AGBL1: variants seen among roughly 807,000 people sequenced by gnomAD.
The protein encoded by AGBL1 is cytosolic carboxypeptidase 4.
In AGBL1, 130 loss-of-function variants were observed where a neutral mutation model predicts 118.9. That is an observed-to-expected ratio of 1.09 (90% CI 0.95 to 1.26). The LOEUF (loss-of-function observed/expected upper bound fraction) is 1.26. Among genes scored for constraint, AGBL1 ranks in the 50% most tolerant of loss-of-function variants. AGBL1 has a pLI of 0.00. For missense variants in AGBL1, 1,584 were observed against 1,298.1 expected (o/e 1.22, Z -3.38); for synonymous variants, 555 against 478.9 (o/e 1.16, Z -2.08).
chr15:86,854,692 A>G (rs533974317), intron 22 of AGBL1, among the ~76,000 whole-genome samples: 1 of 152,278 alleles, frequency 6.6e-6, no homozygotes, highest in African/African-American at 2.4e-5. Context: ...AGCAAAGGCC[A>G]TTGATAAATG....
chr15:86,691,876 TA>T (rs2086178341), intron 22 of AGBL1, among the ~76,000 whole-genome samples: 1 of 152,134 alleles, frequency 6.6e-6, no homozygotes, highest in Non-Finnish European at 1.5e-5. Flanking sequence ...GGACTGGATT[TA>T]TTTTTTTAGG....
intron 22 of AGBL1, among the ~76,000 whole-genome samples, chr15:86,742,897 A>G (rs1271405328): frequency 1.3e-5 from 2 of 152,194 alleles, no homozygotes; most frequent in Non-Finnish European, 2.9e-5. Context: ...AATAATGAGA[A>G]AACCAAACTG....
intron 7 of AGBL1, among the ~76,000 whole-genome samples, chr15:86,254,587 G>C (rs1025444696): frequency 6.6e-6 from 1 of 152,200 alleles, no homozygotes; most frequent in African/African-American, 2.4e-5. Context: ...CCAAGTAGCA[G>C]ATGTGTTATT....
At chr15:86,997,892 CACACACACACA>C (rs766683617) in intron 24 of AGBL1, among the ~76,000 whole-genome samples, 5,108 of 28,552 alleles carry the variant, frequency 0.18, 124 homozygotes, top group Non-Finnish European at 0.46. Flanking sequence ...ATGTGGAAGA[CACACACACACA>C]CACACACACA....
intron 17 of AGBL1, among the ~76,000 whole-genome samples, chr15:86,367,584 T>A (rs2080908652): frequency 6.6e-6 from 1 of 151,536 alleles, no homozygotes; most frequent in Non-Finnish European, 1.5e-5. Flanking sequence ...AGGGAAGCAA[T>A]TGTTAACTGA....
At chr15:86,352,424 A>G (rs1196666846) in intron 17 of AGBL1, among the ~76,000 whole-genome samples, 1 of 151,538 alleles carries the variant, frequency 6.6e-6, no homozygotes, top group Admixed American at 6.6e-5. Context: ...TTGTGAATCA[A>G]CTGGTAATAC....
intron 18 of AGBL1, among the ~76,000 whole-genome samples, chr15:86,491,328 G>A (rs1194823244): frequency 6.6e-6 from 1 of 152,116 alleles, no homozygotes; most frequent in Non-Finnish European, 1.5e-5. Flanking sequence ...TGGTCATAAA[G>A]AGAAAAGCAT....
chr15:86,592,419 A>G (rs1165295498), intron 21 of AGBL1, among the ~76,000 whole-genome samples: 1 of 152,240 alleles, frequency 6.6e-6, no homozygotes, highest in Non-Finnish European at 1.5e-5. Flanking sequence ...AAGGCCAAGC[A>G]AGAGACTTGA....
At chr15:86,102,592 A>T (rs753265523) in intron 1 of AGBL1, among the ~76,000 whole-genome samples, 11 of 152,180 alleles carry the variant, frequency 7.2e-5, no homozygotes, top group Non-Finnish European at 1.6e-4. Flanking sequence ...CCCCACCAGC[A>T]CTTTTAATAT....
At chr15:86,281,261 A>G (rs1342264369) in intron 16 of AGBL1, among the ~76,000 whole-genome samples, 1 of 152,066 alleles carries the variant, frequency 6.6e-6, no homozygotes, top group Admixed American at 6.6e-5. Flanking sequence ...GCATGCACCC[A>G]TAGACCCAGC....
chr15:86,672,577 G>A (rs555543003), intron 21 of AGBL1, among the ~76,000 whole-genome samples: 4 of 152,258 alleles, frequency 2.6e-5, no homozygotes, highest in Middle Eastern at 3.4e-3. Context: ...TGAGGTGGCT[G>A]ACTGAGCAGG....
chr15:86,285,431 G>C (rs747577650), intron 16 of AGBL1, among the ~76,000 whole-genome samples: 2 of 152,068 alleles, frequency 1.3e-5, no homozygotes, highest in African/African-American at 4.8e-5. Flanking sequence ...AGTCACGGGG[G>C]CAGGTCTTTC....
intron 15 of AGBL1, among the ~76,000 whole-genome samples, chr15:86,278,645 A>G (rs375783591): frequency 1.3e-5 from 2 of 152,186 alleles, no homozygotes; most frequent in South Asian, 2.1e-4. Flanking sequence ...CCTTTCCCCC[A>G]GTAAAACCAA....
chr15:86,746,428 C>T (rs2077757890), intron 22 of AGBL1, among the ~76,000 whole-genome samples: 1 of 152,156 alleles, frequency 6.6e-6, no homozygotes, highest in South Asian at 2.1e-4. Flanking sequence ...TCACTTCACT[C>T]AGTAAGTTTA....
At chr15:86,242,048 A>G (rs2078649144) in intron 6 of AGBL1, among the ~76,000 whole-genome samples, 1 of 152,100 alleles carries the variant, frequency 6.6e-6, no homozygotes, top group Admixed American at 6.5e-5. Context: ...TGGTTTTATA[A>G]AGGAGAATTC....
chr15:86,294,005 C>T lies in AGBL1; in HGVS notation c.2221-1250C>T, dbSNP rs970389768. ...CCCTCTCTGGTTACTGAAATTTCCACTGTCAGGGGATGCAGTGCAGGTGGG... is the reference window on the plus strand; with the variant it reads ...CCCTCTCTGGTTACTGAAATTTCCATTGTCAGGGGATGCAGTGCAGGTGGG... On this transcript the variant is annotated intron_variant, in intron 16 of 22. Coordinates refer to ENST00000614907, the MANE Select transcript of AGBL1 (RefSeq NM_001386094.1). Among the ~76,000 whole-genome samples the T allele has an allele frequency of 1.1e-4, 16 of 152,198 alleles. 1 individual carries two copies. Among genetic ancestry groups the T allele is most frequent in the African/African-American group, 3.9e-4 (16 of 41,540 alleles).
chr15:86,793,362 A>G (rs750633459), intron 22 of AGBL1, among the ~76,000 whole-genome samples: 1 of 152,216 alleles, frequency 6.6e-6, no homozygotes, highest in Non-Finnish European at 1.5e-5. Flanking sequence ...ATTTTGGACA[A>G]GAGTTCCAAG....
At chr15:86,527,737 T>C (rs73457684) in intron 19 of AGBL1, among the ~76,000 whole-genome samples, 21,733 of 152,228 alleles carry the variant, frequency 0.14, 4,480 homozygotes, top group African/African-American at 0.45. Context: ...AGCCATTTGC[T>C]TATTGGTGAG....
At chr15:86,150,529 A>G (rs1472886446) in intron 3 of AGBL1, among the ~76,000 whole-genome samples, 1 of 152,196 alleles carries the variant, frequency 6.6e-6, no homozygotes, top group Non-Finnish European at 1.5e-5. Context: ...TCTAGAAGAA[A>G]TGGATAAATT....
Sources: allele counts gnomAD v4.1 joint callset (sites outside exome capture counted in the v4.1 genomes callset), GRCh38; gene constraint gnomAD v4.1.1; transcripts MANE v1.5; gene names NCBI Gene and HGNC (gene_info 2026-07-23, HGNC 2026-07-21).